SP140: variants seen among roughly 807,000 people sequenced by gnomAD.
SP140 encodes nuclear body protein SP140.
Under a neutral mutation model 125.0 loss-of-function variants are expected in SP140, and 81 were observed. The observed-to-expected ratio is 0.65, with a 90% confidence interval of 0.54 to 0.78. The LOEUF (loss-of-function observed/expected upper bound fraction) is 0.78. Ranked by LOEUF, SP140 falls within the 30% of genes least tolerant of loss-of-function variation. SP140 has a pLI of 0.00. For synonymous variants in SP140, 312 were observed against 354.0 expected (o/e 0.88, Z 1.33); for missense variants, 858 against 1,037.0 (o/e 0.83, Z 2.37).
chr2:230,205,040 A>T (rs1305740728), intron 1 of SP140, among the ~76,000 whole-genome samples: 1 of 152,218 alleles, frequency 6.6e-6, no homozygotes, highest in Non-Finnish European at 1.5e-5. Context: ...CACATTAAGG[A>T]CAGTGAACAT....
rs1432825011 is a variant in SP140, at chr2:230,294,178, T to G, written c.1969-93T>G. 4 of 975,786 alleles carry G rather than the reference T, an allele frequency of 4.1e-6. No homozygotes were observed. The East Asian group carries it at 9.8e-5, about 24-fold the overall frequency. The allele number at this position is 975,786 out of a possible 1,614,324, so 60.4% of individuals were successfully genotyped here. ...TGGATTTGAGCTGGCAGTGGAACAC[T>G]CAGGTAGAAATATTTGGGAGGAGGT... On this transcript the variant is annotated intron_variant, in intron 20 of 26. Coordinates refer to ENST00000392045, the MANE Select transcript of SP140 (RefSeq NM_007237.5).
intron 1 of SP140, among the ~76,000 whole-genome samples, chr2:230,204,774 G>A (rs1449736034): frequency 6.6e-6 from 1 of 152,196 alleles, no homozygotes; most frequent in Non-Finnish European, 1.5e-5. Flanking sequence ...TAATTTAGGG[G>A]TCAGAGTATG....
chr2:230,195,922 GA>G, the SP140 span, among the ~76,000 whole-genome samples: 10 of 152,056 alleles, frequency 6.6e-5, no homozygotes, highest in Admixed American at 3.3e-4. Flanking sequence ...GGTAATCTAG[GA>G]AAATAAGCAA....
At chr2:230,263,672 C>T (rs2052627252) in intron 12 of SP140, among the ~76,000 whole-genome samples, 1 of 152,058 alleles carries the variant, frequency 6.6e-6, no homozygotes. Context: ...TTGGTAATGG[C>T]GAATTCTCTC....
intron 15 of SP140, among the ~76,000 whole-genome samples, chr2:230,273,455 C>T (rs549940315): frequency 5.3e-5 from 8 of 152,134 alleles, no homozygotes; most frequent in Admixed American, 1.3e-4. Context: ...CAGATACTGA[C>T]GAGGTTGTGG....
intron 1 of SP140, among the ~76,000 whole-genome samples, chr2:230,228,071 C>A (rs1388524632): frequency 1.3e-5 from 2 of 152,042 alleles, no homozygotes; most frequent in African/African-American, 4.8e-5. Flanking sequence ...CTAAGTGCTG[C>A]TTTTGTTGCA....
intron 15 of SP140, among the ~76,000 whole-genome samples, chr2:230,278,565 A>G (rs1292893475): frequency 6.6e-6 from 1 of 152,098 alleles, no homozygotes; most frequent in African/African-American, 2.4e-5. Context: ...TATCTAAAGA[A>G]TAATTGCCCA....
At chr2:230,216,640 C>T (rs2045211941) in intron 3 of SP140, 6 of 992,574 alleles carry the variant, frequency 6.0e-6, no homozygotes, top group East Asian at 2.4e-5. Context: ...CTCCTAACTA[C>T]CCCCACCTTC....
At chr2:230,281,551 C>T (rs923486334) in intron 15 of SP140, among the ~76,000 whole-genome samples, 8 of 152,294 alleles carry the variant, frequency 5.3e-5, no homozygotes, top group East Asian at 1.9e-4. Flanking sequence ...AGGTTCCTTA[C>T]GCCCTTTCTG....
intron 20 of SP140, 121 bp downstream of exon 20, chr2:230,292,909 C>T: frequency 7.0e-7 from 1 of 1,437,970 alleles, no homozygotes; most frequent in Non-Finnish European, 9.5e-7. Flanking sequence ...TGGGTTTATC[C>T]TCTCACTCAG....
At chr2:230,233,404 AC>A (rs2047536965) in intron 1 of SP140, among the ~76,000 whole-genome samples, 1 of 152,188 alleles carries the variant, frequency 6.6e-6, no homozygotes, top group Non-Finnish European at 1.5e-5. Context: ...AACAAAAAAA[AC>A]ATTAAAATAG....
chr2:230,308,581 A>G (rs1350405907), intron 22 of SP140, among the ~76,000 whole-genome samples: 4 of 152,222 alleles, frequency 2.6e-5, no homozygotes, highest in Non-Finnish European at 2.9e-5. Context: ...GCAGGGCCAC[A>G]TGGGGGCTGC....
intron 1 of SP140, among the ~76,000 whole-genome samples, chr2:230,207,093 G>C (rs987768708): frequency 6.6e-6 from 1 of 152,122 alleles, no homozygotes; most frequent in Non-Finnish European, 1.5e-5. Flanking sequence ...CAAAGGTTAG[G>C]ATGGAGAGCT....
intron 3 of SP140, among the ~76,000 whole-genome samples, chr2:230,216,023 T>C (rs1039580948): frequency 6.6e-6 from 1 of 152,170 alleles, no homozygotes; most frequent in South Asian, 2.1e-4. Context: ...TAGGGCTCAA[T>C]TAATGCTTTT....
the SP140 span, among the ~76,000 whole-genome samples, chr2:230,196,059 A>T: frequency 6.6e-6 from 1 of 152,220 alleles, no homozygotes; most frequent in African/African-American, 2.4e-5. Context: ...AACATTTAAA[A>T]AGTTTTATTA....
At chr2:230,272,447 G>A (rs2054070555) in intron 15 of SP140, among the ~76,000 whole-genome samples, 1 of 152,102 alleles carries the variant, frequency 6.6e-6, no homozygotes, top group African/African-American at 2.4e-5. Flanking sequence ...ATAGGGGCCG[G>A]TTTTTCCTGT....
intron 15 of SP140, among the ~76,000 whole-genome samples, chr2:230,272,825 C>T (rs1001100020): frequency 6.6e-6 from 1 of 152,052 alleles, no homozygotes; most frequent in Non-Finnish European, 1.5e-5. Context: ...ACAAACCTGA[C>T]AAAAACAAGC....
chr2:230,307,260 G>A (rs559628901), intron 22 of SP140, among the ~76,000 whole-genome samples: 14 of 152,336 alleles, frequency 9.2e-5, no homozygotes, highest in South Asian at 4.1e-4. Flanking sequence ...GCTCCTCTTC[G>A]TCTTGCTCAC....
chr2:230,192,435 A>T, the SP140 span, among the ~76,000 whole-genome samples: 2 of 152,218 alleles, frequency 1.3e-5, no homozygotes, highest in African/African-American at 2.4e-5. Context: ...ACTTCAACAA[A>T]GTCTCAGGAT....
Sources: gnomAD v4.1 joint callset for allele counts (sites outside exome capture counted in the v4.1 genomes callset) on GRCh38, gnomAD v4.1.1 for gene constraint, MANE v1.5 for transcripts, NCBI Gene and HGNC (gene_info 2026-07-23, HGNC 2026-07-21) for gene names.